STK32A: variants seen among roughly 807,000 people sequenced by gnomAD.
STK32A encodes the protein serine/threonine kinase 32A.
A neutral mutation model predicts 53.2 loss-of-function variants in STK32A; 41 were observed. The ratio of observed to expected loss-of-function variants is 0.77; its 90% CI spans 0.60 to 1.00. The LOEUF (loss-of-function observed/expected upper bound fraction) is 1.00. Ranked by LOEUF, STK32A falls within the 50% of genes least tolerant of loss-of-function variation. STK32A has a pLI of 0.00. For synonymous variants in STK32A, 166 were observed against 162.8 expected, an observed-to-expected ratio of 1.02 and a Z score of -0.15; for missense variants, 458 against 485.8, an observed-to-expected ratio of 0.94 and a Z score of 0.54.
In STK32A at chr5:147,246,281, C is replaced by T. The variant is rs1417026845; in HGVS notation, c.52+6595C>T. ...TTAATTTGTAAGGGCTTTATTTCTC[C>T]ATACAAAGGGATTGGAGAAACAAAC... On this transcript the variant is annotated intron_variant, in intron 2 of 12. Coordinates refer to ENST00000397936, the MANE Select transcript of STK32A (RefSeq NM_001112724.2). Among the ~76,000 whole-genome samples the T allele has an allele frequency of 5.9e-5, 9 of 152,122 alleles. 1 individual carries two copies. The highest frequency in any genetic ancestry group is 5.9e-5 in the Non-Finnish European group (4 of 68,012).
the STK32A span, chr5:147,399,246 C>A: frequency 6.2e-7 from 1 of 1,614,046 alleles, no homozygotes; most frequent in Non-Finnish European, 8.5e-7. Flanking sequence ...TCCATTTTCC[C>A]TGTGGCCTAT....
intron 5 of STK32A, among the ~76,000 whole-genome samples, chr5:147,324,704 G>A (rs988591518): frequency 6.6e-6 from 1 of 152,108 alleles, no homozygotes; most frequent in African/African-American, 2.4e-5. Flanking sequence ...TTTGATCTCT[G>A]AAATAACCTG....
intron 6 of STK32A, chr5:147,348,742 C>G (rs781025198): frequency 1.3e-6 from 1 of 769,878 alleles, no homozygotes; most frequent in Non-Finnish European, 2.4e-6. Flanking sequence ...TTCAGGAGAC[C>G]GAAGCCCAGG....
chr5:147,347,810 C>A (rs1755761971), intron 6 of STK32A, among the ~76,000 whole-genome samples: 1 of 152,112 alleles, frequency 6.6e-6, no homozygotes, highest in African/African-American at 2.4e-5. Flanking sequence ...GATAGGTCAC[C>A]ATGGTAAGGA....
At chr5:147,355,597 G>A (rs920423727) in intron 7 of STK32A, among the ~76,000 whole-genome samples, 2 of 152,012 alleles carry the variant, frequency 1.3e-5, no homozygotes, top group Admixed American at 1.3e-4. Flanking sequence ...AGAATGGCGC[G>A]AACCCGGGAG....
At chr5:147,382,211 G>A (rs141297540) in intron 11 of STK32A, among the ~76,000 whole-genome samples, 60 of 152,190 alleles carry the variant, frequency 3.9e-4, no homozygotes, top group African/African-American at 1.2e-3. Flanking sequence ...CAATTTTGCC[G>A]TTGAAACCCT....
intron 4 of STK32A, among the ~76,000 whole-genome samples, chr5:147,310,219 T>C (rs1324500096): frequency 6.6e-6 from 1 of 152,170 alleles, no homozygotes; most frequent in Admixed American, 6.5e-5. Flanking sequence ...AAGAGGCAGT[T>C]GGTCTAGTTT....
chr5:147,249,185 T>G (rs1222720669), intron 2 of STK32A, among the ~76,000 whole-genome samples: 1 of 152,192 alleles, frequency 6.6e-6, no homozygotes. Flanking sequence ...TGTGTATGCT[T>G]AGTATTTATG....
the STK32A span, chr5:147,394,059 A>G: frequency 3.1e-6 from 5 of 1,614,070 alleles, no homozygotes; most frequent in South Asian, 5.5e-5. Flanking sequence ...TGATATTAGA[A>G]CGGCCGCCTG....
intron 5 of STK32A, among the ~76,000 whole-genome samples, chr5:147,340,213 T>A (rs1341365394): frequency 6.6e-6 from 1 of 152,118 alleles, no homozygotes; most frequent in African/African-American, 2.4e-5. Context: ...ATCAGTGGGG[T>A]CTTTGTGACC....
At chr5:147,393,988 A>C in the STK32A span, 1 of 1,599,230 alleles carries the variant, frequency 6.3e-7, no homozygotes, top group Non-Finnish European at 8.6e-7. Flanking sequence ...TTTTGGCTTC[A>C]AAACAATCTC....
chr5:147,396,712 T>C, the STK32A span, among the ~76,000 whole-genome samples: 3 of 152,108 alleles, frequency 2.0e-5, no homozygotes. Flanking sequence ...AGAATCTAAA[T>C]CACACTCATA....
At chr5:147,241,848 G>A (rs1387178906) in intron 2 of STK32A, among the ~76,000 whole-genome samples, 1 of 152,138 alleles carries the variant, frequency 6.6e-6, no homozygotes, top group Non-Finnish European at 1.5e-5. Context: ...CAGAGAATAG[G>A]GTGGAAAAGA....
chr5:147,327,208 G>A (rs1163797015), intron 5 of STK32A, among the ~76,000 whole-genome samples: 1 of 152,062 alleles, frequency 6.6e-6, no homozygotes, highest in Non-Finnish European at 1.5e-5. Flanking sequence ...AGAACTCCTG[G>A]GCCAGAGAGT....
intron 5 of STK32A, among the ~76,000 whole-genome samples, chr5:147,328,829 T>C (rs1224622133): frequency 6.6e-6 from 1 of 152,196 alleles, no homozygotes; most frequent in Non-Finnish European, 1.5e-5. Flanking sequence ...AAGACAAATT[T>C]CTGTTTACTC....
chr5:147,398,595 C>T, the STK32A span, among the ~76,000 whole-genome samples: 2 of 152,206 alleles, frequency 1.3e-5, no homozygotes, highest in Non-Finnish European at 2.9e-5. Context: ...TTATCATCCT[C>T]CATGTGAAAC....
chr5:147,314,384 G>T (rs1753854376), intron 4 of STK32A, among the ~76,000 whole-genome samples: 1 of 151,818 alleles, frequency 6.6e-6, no homozygotes, highest in African/African-American at 2.4e-5. Flanking sequence ...TGTATCCCCA[G>T]CTACTTGGGA....
chr5:147,337,518 G>A lies in STK32A; in HGVS notation c.435-5488G>A, dbSNP rs115439000. Among the ~76,000 whole-genome samples the A allele has an allele frequency of 4.9e-3, 749 of 152,194 alleles. 5 individuals carry two copies. Among genetic ancestry groups the A allele is most frequent in the African/African-American group, 0.017 (720 of 41,520 alleles). On this transcript the variant is annotated intron_variant, in intron 5 of 12. Transcript: ENST00000397936. The stretch of plus-strand genomic sequence containing the variant: ...TTTGTTTTCTCTTCTCTTCTTAGGG[G>A]AAAAAGACATGCAGGGCTTAGTATT...
At chr5:147,237,841 C>G (rs1490667643) in intron 1 of STK32A, among the ~76,000 whole-genome samples, 2 of 152,202 alleles carry the variant, frequency 1.3e-5, no homozygotes, top group Non-Finnish European at 2.9e-5. Flanking sequence ...TTTTCTTCTA[C>G]ACTTCCTTAG....
Sources: allele counts gnomAD v4.1 joint callset (sites outside exome capture counted in the v4.1 genomes callset), GRCh38; gene constraint gnomAD v4.1.1; transcripts MANE v1.5; gene names NCBI Gene and HGNC (gene_info 2026-07-23, HGNC 2026-07-21).